The following NELFB variants were observed in gnomAD, a reference collection of about 807,000 sequenced individuals.
The protein encoded by NELFB is negative elongation factor complex member B.
NELFB carries 34 observed loss-of-function variants against 60.2 expected under a neutral mutation model. That is an observed-to-expected ratio of 0.56 (90% confidence interval 0.43 to 0.75). The LOEUF is 0.75. Ranked by LOEUF, NELFB falls within the 30% of genes least tolerant of loss-of-function variation. The pLI is 0.00. For missense variants in NELFB, 770 were observed against 831.6 expected (o/e 0.93, Z 0.91); for synonymous variants, 459 against 382.1 (o/e 1.20, Z -2.35).
At chr9:137,266,644 C>T (rs887339352) in intron 8 of NELFB, among the ~76,000 whole-genome samples, 4 of 151,984 alleles carry the variant, frequency 2.6e-5, no homozygotes, top group Non-Finnish European at 2.9e-5. Flanking sequence ...CTCCATGGCC[C>T]GTGGCTGGTT....
At chr9:137,265,323 G>C (rs1830504584) in intron 6 of NELFB, among the ~76,000 whole-genome samples, 1 of 131,184 alleles carries the variant, frequency 7.6e-6, no homozygotes, top group Non-Finnish European at 1.7e-5. Flanking sequence ...TTTTTTGTTT[G>C]TTTTTTTAAC....
chr9:137,262,594 CTAATA>C (rs1431527688), intron 4 of NELFB, among the ~76,000 whole-genome samples: 1 of 152,234 alleles, frequency 6.6e-6, no homozygotes, highest in African/African-American at 2.4e-5. Context: ...TGATCTATAT[CTAATA>C]TAACTATTCT....
intron 10 of NELFB, among the ~76,000 whole-genome samples, chr9:137,270,261 A>G (rs1330707638): frequency 6.7e-6 from 1 of 149,766 alleles, no homozygotes; most frequent in Non-Finnish European, 1.5e-5. Context: ...AGCCTGGGCG[A>G]CAAAGCCAGA....
intron 4 of NELFB, 115 bp downstream of exon 4, chr9:137,257,169 C>T (rs1307438827): frequency 1.8e-5 from 16 of 902,684 alleles, no homozygotes; most frequent in South Asian, 1.2e-4. Flanking sequence ...GGTGGTTCTG[C>T]TTCTTGGCTG....
intron 2 of NELFB, 28 bp from the exon 3 acceptor site, chr9:137,256,301 G>T: frequency 6.2e-7 from 1 of 1,602,700 alleles, no homozygotes; most frequent in African/African-American, 1.3e-5. Context: ...GCGCATCGCT[G>T]CACCATCAAT....
At chr9:137,267,933 G>T (rs1443571732) in intron 10 of NELFB, among the ~76,000 whole-genome samples, 1 of 152,238 alleles carries the variant, frequency 6.6e-6, no homozygotes, top group Non-Finnish European at 1.5e-5. Context: ...GACCCCTCAG[G>T]TGCTCAGAGA....
intron 11 of NELFB, 48 bp downstream of exon 11, chr9:137,272,270 G>C (rs1830593244): frequency 1.2e-6 from 2 of 1,603,794 alleles, no homozygotes; most frequent in African/African-American, 1.3e-5. Flanking sequence ...CTCAGCTCTT[G>C]TCCGTAGCAG....
intron 6 of NELFB, among the ~76,000 whole-genome samples, chr9:137,264,627 A>T (rs967087074): frequency 2.0e-4 from 30 of 152,150 alleles, no homozygotes; most frequent in Admixed American, 7.2e-4. Flanking sequence ...CACTGCGCTC[A>T]GGTAATTTTT....
chr9:137,260,212 G>C (rs543089906), intron 4 of NELFB, among the ~76,000 whole-genome samples: 50 of 145,278 alleles, frequency 3.4e-4, no homozygotes, highest in African/African-American at 8.2e-4. Flanking sequence ...ACCACGCCCA[G>C]CTATGTTTTT....
chr9:137,272,487 C>G lies in NELFB; in HGVS notation c.1632-20C>G. Reference sequence around the variant, plus strand: ...CAGCAGGGCCTGCCTCCTGCCCCAGCCCTGCACGGCCTTTTCCAGGAAGGA... The same window carrying G: ...CAGCAGGGCCTGCCTCCTGCCCCAGGCCTGCACGGCCTTTTCCAGGAAGGA... On this transcript the variant is annotated intron_variant, in intron 11 of 12. Transcript: ENST00000343053. 6.2e-7 allele frequency: 1 copy of G among 1,604,196 alleles called. No individual in the cohort carries two copies. The highest frequency in any genetic ancestry group is 1.3e-5 in the African/African-American group (1 of 74,948).
chr9:137,255,393 C>A lies in NELFB; in HGVS notation c.28C>A (p.Arg10=). 1 of 761,778 alleles carries A rather than the reference C, an allele frequency of 1.3e-6. No individual in the cohort carries two copies. The highest frequency in any genetic ancestry group is 1.8e-6 in the Non-Finnish European group (1 of 552,084). 47.2% of individuals were successfully genotyped at this position (761,778 alleles called of 1,614,324 possible). A position where few individuals can be genotyped will look rare whatever the true frequency, so the allele number is the denominator to read the frequency against. The stretch of plus-strand genomic sequence containing the variant: ...GGCCGAGCTGGAGGGCGCCGGGGAG[C>A]GGGGCTCGGGCGGTCCCCGAGGCCC... Residue 10 remains arginine, a synonymous_variant, in exon 1 of 13, where the codon CGG becomes AGG. Coordinates refer to ENST00000343053, the MANE Select transcript of NELFB (RefSeq NM_015456.5).
intron 6 of NELFB, among the ~76,000 whole-genome samples, 155 bp from the exon 7 acceptor site, chr9:137,265,722 G>T (rs996762807): frequency 6.7e-6 from 1 of 149,710 alleles, no homozygotes; most frequent in African/African-American, 2.4e-5. Context: ...GAGCCGCCGC[G>T]CTCGGCCATC....
chr9:137,256,270 G>A (rs1028431846), intron 2 of NELFB, 59 bp from the exon 3 acceptor site: 1 of 1,521,944 alleles, frequency 6.6e-7, no homozygotes, highest in Non-Finnish European at 9.1e-7. Flanking sequence ...GTAGGGACAG[G>A]CAGGTAGCTG....
intron 4 of NELFB, 77 bp downstream of exon 4, chr9:137,257,131 C>A: frequency 8.0e-7 from 1 of 1,253,488 alleles, no homozygotes; most frequent in Non-Finnish European, 1.1e-6. Context: ...GCCTGGGGAT[C>A]AGCACTCTGC....
At chr9:137,272,666 G>T in intron 12 of NELFB, 51 bp downstream of exon 12, 1 of 1,540,482 alleles carries the variant, frequency 6.5e-7, no homozygotes, top group Non-Finnish European at 8.8e-7. Context: ...CTACCAGCCC[G>T]TGTGTGCTTG....
intron 1 of NELFB, 21 bp from the exon 2 acceptor site, chr9:137,255,886 G>GT: frequency 1.2e-6 from 2 of 1,611,220 alleles, no homozygotes; most frequent in Non-Finnish European, 1.7e-6. Flanking sequence ...CTGCGTTTGA[G>GT]GTTTCTCTTG....
In NELFB at chr9:137,256,343, A is replaced by C. The variant is rs753134198; in HGVS notation, c.425A>C (p.Glu142Ala). ...AGTTGTTCCAGGTACAAGAAGCTGG[A>C]AGACCTTCTGGAGAAGAGCTTTTCT... Residue 142 changes from glutamate to alanine, a missense_variant, in exon 3 of 13, where the codon GAA (glutamate) becomes GCA (alanine). Transcript: ENST00000343053. The C allele has an allele frequency of 5.4e-5, 87 of 1,613,898 alleles. No individual in the cohort carries two copies. The highest frequency in any genetic ancestry group is 2.0e-5 in the Non-Finnish European group (24 of 1,179,988).
At chr9:137,263,646 C>G (rs1830483660) in intron 5 of NELFB, among the ~76,000 whole-genome samples, 1 of 151,716 alleles carries the variant, frequency 6.6e-6, no homozygotes, top group African/African-American at 2.4e-5. Flanking sequence ...TTTGGCTTCT[C>G]TCCAGACCCT....
chr9:137,266,092 T>A, intron 7 of NELFB, 113 bp downstream of exon 7: 1 of 879,834 alleles, frequency 1.1e-6, no homozygotes, highest in Non-Finnish European at 1.8e-6. Context: ...GTTGGGGCCC[T>A]GTGGCCGCCC....
Sources: allele counts gnomAD v4.1 joint callset (sites outside exome capture counted in the v4.1 genomes callset), GRCh38; gene constraint gnomAD v4.1.1; transcripts MANE v1.5; gene names NCBI Gene and HGNC (gene_info 2026-07-23, HGNC 2026-07-21).